The following CACNA1B variants were observed in gnomAD, a reference collection of about 807,000 sequenced individuals.
CACNA1B encodes calcium voltage-gated channel subunit alpha1 B.
In CACNA1B, 70 loss-of-function variants were observed where a neutral mutation model predicts 247.2. The observed-to-expected ratio is 0.28, with a 90% CI of 0.23 to 0.35. The LOEUF (loss-of-function observed/expected upper bound fraction) is 0.35, where lower values mean the gene tolerates loss of function less well. CACNA1B is among the 10% of genes least tolerant of loss of function. The pLI is 1.00. For synonymous variants in CACNA1B, 1,231 were observed against 1,294.4 expected (o/e 0.95, Z 1.05); for missense variants, 2,367 against 3,197.4 (o/e 0.74, Z 6.26).
At chr9:137,879,249 G>A (rs781182252) in intron 2 of CACNA1B, 90 bp downstream of exon 2, 3 of 825,642 alleles carry the variant, frequency 3.6e-6, no homozygotes, top group African/African-American at 1.7e-5. Context: ...CAGCTTCCTC[G>A]GGCAGGGTCG....
At chr9:138,025,950 C>T (rs1958915993) in intron 20 of CACNA1B, among the ~76,000 whole-genome samples, 1 of 152,184 alleles carries the variant, frequency 6.6e-6, no homozygotes, top group African/African-American at 2.4e-5. Context: ...ACATGAATGC[C>T]AGCAGAAGCA....
intron 12 of CACNA1B, among the ~76,000 whole-genome samples, chr9:137,978,377 G>A (rs1225333107): frequency 6.8e-6 from 1 of 146,980 alleles, no homozygotes; most frequent in Admixed American, 6.7e-5. Flanking sequence ...CCATGAAGGA[G>A]TGAAGGGTGG....
intron 19 of CACNA1B, among the ~76,000 whole-genome samples, chr9:138,024,308 G>A (rs571309417): frequency 6.6e-6 from 1 of 152,146 alleles, no homozygotes; most frequent in South Asian, 2.1e-4. Flanking sequence ...TGCTCCCTGG[G>A]GCAGGACTCA....
Position 138,012,382 on chromosome 9 carries a change from G to A in CACNA1B, c.2161-747G>A, listed in dbSNP as rs1048630864. On this transcript the variant is annotated intron_variant, in intron 17 of 46. Coordinates refer to ENST00000371372, the MANE Select transcript of CACNA1B (RefSeq NM_000718.4). This position sits in a 1 kb window ranked among gnomAD's most constrained non-coding sequence, Gnocchi z 4.2. Reference sequence around the variant, plus strand: ...GTTAAAGTGTGACAGATGCTCCTGGGGGGACAGGTGGGACAAAAGGAGGGA... The same window carrying A: ...GTTAAAGTGTGACAGATGCTCCTGGAGGGACAGGTGGGACAAAAGGAGGGA... Among the ~76,000 whole-genome samples the A allele has an allele frequency of 2.6e-5, 4 of 152,046 alleles. No individual in the cohort carries two copies. The highest frequency in any genetic ancestry group is 4.8e-5 in the African/African-American group (2 of 41,366).
At chr9:138,113,294 T>TGCCGG in intron 40 of CACNA1B, among the ~76,000 whole-genome samples, 1 of 112,954 alleles carries the variant, frequency 8.9e-6, no homozygotes, top group South Asian at 3.1e-4. Flanking sequence ...GGGAGCACAA[T>TGCCGG]GAGGTGCCCA....
intron 44 of CACNA1B, among the ~76,000 whole-genome samples, chr9:138,119,383 GC>G (rs1961994874): frequency 6.6e-6 from 1 of 152,074 alleles, no homozygotes; most frequent in Non-Finnish European, 1.5e-5. Context: ...GGAACACTGT[GC>G]CCCGGCCTCC....
At chr9:137,987,729 A>T (rs1029524993) in intron 15 of CACNA1B, among the ~76,000 whole-genome samples, 1 of 152,054 alleles carries the variant, frequency 6.6e-6, no homozygotes, top group African/African-American at 2.4e-5. Context: ...TTACCAGCAG[A>T]CCCTTCAGAC....
chr9:138,073,971 C>T lies in CACNA1B; in HGVS notation c.4792-30C>T, dbSNP rs1300155499. 4 of 1,595,312 alleles carry T rather than the reference C, an allele frequency of 2.5e-6. No individual in the cohort carries two copies. The highest frequency in any genetic ancestry group is 2.7e-5 in the African/African-American group (2 of 74,658). ...GCCTGGGCGTGGTGGCTGGGAGGTG[C>T]CTGTAGCTGACCGGCCCCTGTCTCC... On this transcript the variant is annotated intron_variant, in intron 33 of 46. Coordinates refer to ENST00000371372, the MANE Select transcript of CACNA1B (RefSeq NM_000718.4). This position sits in a 1 kb window ranked among gnomAD's most constrained non-coding sequence, Gnocchi z 6.4.
intron 19 of CACNA1B, among the ~76,000 whole-genome samples, 185 bp downstream of exon 19, chr9:138,023,996 G>A (rs1467272481): frequency 1.3e-5 from 2 of 152,230 alleles, no homozygotes; most frequent in East Asian, 3.9e-4. Flanking sequence ...ATCCTGCCTT[G>A]CAGGGTTGAC....
Position 138,073,969 on chromosome 9 carries a change from T to A in CACNA1B, c.4792-32T>A, listed in dbSNP as rs201580465. 6.3e-7 allele frequency: 1 copy of A among 1,587,278 alleles called. No homozygotes were observed. Among genetic ancestry groups the A allele is most frequent in the Non-Finnish European group, 8.6e-7 (1 of 1,161,344 alleles). On this transcript the variant is annotated intron_variant, in intron 33 of 46. Transcript: ENST00000371372. This position sits in a 1 kb window ranked among gnomAD's most constrained non-coding sequence, Gnocchi z 6.4. ...AGGCCTGGGCGTGGTGGCTGGGAGG[T>A]GCCTGTAGCTGACCGGCCCCTGTCT...
chr9:137,969,997 C>T (rs1349833722), intron 10 of CACNA1B, among the ~76,000 whole-genome samples: 7 of 152,048 alleles, frequency 4.6e-5, no homozygotes, highest in Non-Finnish European at 1.0e-4. Context: ...AGAAAATGCA[C>T]ATAGCACACG....
At chr9:138,066,639 T>A (rs1452653673) in intron 31 of CACNA1B, among the ~76,000 whole-genome samples, 1 of 152,048 alleles carries the variant, frequency 6.6e-6, no homozygotes, top group African/African-American at 2.4e-5. Context: ...AACTTCTGAA[T>A]AAGTCATGGG....
chr9:138,041,464 T>G (rs1959121231), intron 20 of CACNA1B, among the ~76,000 whole-genome samples: 1 of 152,356 alleles, frequency 6.6e-6, no homozygotes, highest in Admixed American at 6.5e-5. Context: ...TTTAATTTTT[T>G]TAACTATTAA....
chr9:138,027,185 G>C (rs1485594283), intron 20 of CACNA1B, among the ~76,000 whole-genome samples: 1 of 152,110 alleles, frequency 6.6e-6, no homozygotes, highest in Non-Finnish European at 1.5e-5. Flanking sequence ...TCAGATATGT[G>C]TTTTTGCAAG....
At chr9:137,923,914 C>T (rs536261925) in intron 6 of CACNA1B, among the ~76,000 whole-genome samples, 34 of 152,294 alleles carry the variant, frequency 2.2e-4, no homozygotes, top group African/African-American at 8.2e-4. Flanking sequence ...TCTTTCTGGA[C>T]TTATTTGCCA....
chr9:137,926,056 CT>C (rs1957546910), intron 6 of CACNA1B, among the ~76,000 whole-genome samples: 1 of 136,320 alleles, frequency 7.3e-6, no homozygotes, highest in Non-Finnish European at 1.5e-5. Context: ...ACCTGGCTTC[CT>C]TTTTTCCTTT....
chr9:138,115,525 T>G (rs1199482948), intron 41 of CACNA1B, 27 bp from the exon 42 acceptor site: 12 of 1,606,712 alleles, frequency 7.5e-6, no homozygotes, highest in African/African-American at 1.3e-5. Flanking sequence ...ATTGGAGCTC[T>G]TTCCCTTCCC....
chr9:138,021,555 G>A (rs1226089994), intron 18 of CACNA1B, among the ~76,000 whole-genome samples: 4 of 152,226 alleles, frequency 2.6e-5, no homozygotes, highest in South Asian at 2.1e-4. Context: ...GCTGGTGGCC[G>A]CCGGCCTGGG....
chr9:137,925,741 G>C (rs11137315), intron 6 of CACNA1B, among the ~76,000 whole-genome samples: 74,788 of 149,622 alleles, frequency 0.5, 22,486 homozygotes, highest in Non-Finnish European at 0.65. Context: ...ATTTACCATC[G>C]TAACCATTTT....
Sources: allele counts gnomAD v4.1 joint callset (sites outside exome capture counted in the v4.1 genomes callset), GRCh38; gene constraint gnomAD v4.1.1; non-coding constraint Gnocchi (gnomAD v3.1); transcripts MANE v1.5; gene names NCBI Gene and HGNC (gene_info 2026-07-23, HGNC 2026-07-21).